DCDC1: variants seen among roughly 807,000 people sequenced by gnomAD.
DCDC1 encodes doublecortin domain containing 1, also known as doublecortin domain-containing protein 1.
A neutral mutation model predicts 178.3 loss-of-function variants in DCDC1; 200 were observed. The observed-to-expected ratio is 1.12, with a 90% CI of 1.00 to 1.26. DCDC1 has a LOEUF of 1.26. Among genes scored for constraint, DCDC1 ranks in the 50% most tolerant of loss-of-function variants. DCDC1 has a pLI of 0.00. For synonymous variants in DCDC1, 690 were observed against 604.8 expected (o/e 1.14, Z -2.07); for missense variants, 1,983 against 1,749.2 (o/e 1.13, Z -2.38).
intron 9 of DCDC1, among the ~76,000 whole-genome samples, chr11:31,224,874 G>T (rs1974724018): frequency 6.6e-6 from 1 of 152,076 alleles, no homozygotes; most frequent in South Asian, 2.1e-4. Context: ...TGTTAGCATG[G>T]ATGTGGCAAA....
rs1565614944 is a variant in DCDC1, at chr11:31,328,243, AG to A, written c.37del (p.Leu13TyrfsTer9). 3.8e-6 allele frequency: 6 copies of A among 1,596,678 alleles called. No homozygotes were observed. The highest frequency in any genetic ancestry group is 5.1e-6 in the Non-Finnish European group (6 of 1,168,604). ...KTGAEDHREALSQSSLSLLTE... is the reference protein window; with the variant it reads ...KTGAEDHREAXSQSSLSLLTE... ...CAAGAGGGATAAGGAAGACTGAGAT[AG>A]TGCTTCTCTGTGATCTTCTGCTCCT... On this transcript the variant is annotated frameshift_variant, in exon 3 of 39. Transcript: ENST00000684477. LOFTEE classifies it high-confidence loss of function.
At chr11:30,965,101 G>T (rs1261582570) in intron 20 of DCDC1, among the ~76,000 whole-genome samples, 1 of 152,196 alleles carries the variant, frequency 6.6e-6, no homozygotes, top group Non-Finnish European at 1.5e-5. Context: ...AAGCAAACCT[G>T]CTGCCATTCT....
chr11:31,270,074 C>G (rs1394422973), intron 7 of DCDC1, among the ~76,000 whole-genome samples: 1 of 152,162 alleles, frequency 6.6e-6, no homozygotes, highest in African/African-American at 2.4e-5. Flanking sequence ...GCATAAGCCC[C>G]AACTTACACT....
chr11:31,168,668 T>C (rs1211241235), intron 9 of DCDC1, among the ~76,000 whole-genome samples: 3 of 152,200 alleles, frequency 2.0e-5, no homozygotes, highest in East Asian at 1.9e-4. Context: ...TTCTTCACTT[T>C]ACCAGCTATG....
intron 22 of DCDC1, among the ~76,000 whole-genome samples, chr11:30,930,057 A>G (rs1267583560): frequency 6.6e-6 from 1 of 152,172 alleles, no homozygotes; most frequent in Non-Finnish European, 1.5e-5. Context: ...TCATACTTCC[A>G]GCATGATTTT....
chr11:31,103,909 T>C (rs568632768), intron 13 of DCDC1, 140 bp from the exon 14 acceptor site: 12 of 558,038 alleles, frequency 2.2e-5, no homozygotes, highest in African/African-American at 1.9e-4. Flanking sequence ...TATAGCACTA[T>C]TGCTGGTATT....
In DCDC1 at chr11:30,940,146, A is replaced by G. The variant is rs536506084; in HGVS notation, c.2716-8194T>C. On this transcript the variant is annotated intron_variant, in intron 21 of 38. Transcript: ENST00000684477. ...CTGGCCCAATTATCCCATAGAACTT[A>G]TGTTAATCATTTGTCTTGAATAAAC... Among the ~76,000 whole-genome samples the G allele has an allele frequency of 2.0e-5, 3 of 152,278 alleles. No homozygotes were observed. In the East Asian group the frequency reaches 5.8e-4, roughly 29 times the overall value.
intron 24 of DCDC1, 103 bp from the exon 25 acceptor site, chr11:30,921,038 T>C (rs557754035): frequency 4.9e-6 from 6 of 1,232,134 alleles, no homozygotes; most frequent in Admixed American, 5.2e-5. Context: ...TAATTCCATC[T>C]ATTTGGTCTA....
At chr11:31,264,941 T>C (rs1033018191) in intron 8 of DCDC1, among the ~76,000 whole-genome samples, 1 of 152,196 alleles carries the variant, frequency 6.6e-6, no homozygotes, top group Non-Finnish European at 1.5e-5. Context: ...ACCTATACCA[T>C]GAAGTTGCTA....
intron 9 of DCDC1, among the ~76,000 whole-genome samples, chr11:31,214,080 A>C (rs986999825): frequency 6.6e-6 from 1 of 151,636 alleles, no homozygotes; most frequent in South Asian, 2.1e-4. Flanking sequence ...TGCTACATTT[A>C]AAAAAGATGG....
chr11:30,888,140 AAGAAAG>A (rs1565030299), intron 36 of DCDC1, among the ~76,000 whole-genome samples: 21 of 145,724 alleles, frequency 1.4e-4, no homozygotes, highest in Admixed American at 1.0e-3. Flanking sequence ...GAAAGAAAGA[AAGAAAG>A]AAAGAAAGAA....
At position 31,213,100 on chromosome 11, in the gene DCDC1, C is replaced by CTCTCTCT. The variant is rs1972851664; in HGVS notation, c.1221+28349_1221+28350insAGAGAGA. Among the ~76,000 whole-genome samples the CTCTCTCT allele has an allele frequency of 1.6e-4, 7 of 44,274 alleles. 1 individual carries two copies. The highest frequency in any genetic ancestry group is 5.1e-4 in the African/African-American group (6 of 11,844). 29.0% of individuals were successfully genotyped at this position (44,274 alleles called of 152,430 possible). A position where few individuals can be genotyped will look rare whatever the true frequency, so the allele number is the denominator to read the frequency against. On this transcript the variant is annotated intron_variant, in intron 9 of 38. Transcript: ENST00000684477. ...GTGTCATCTTCTATATAAAGCCCAG[C>CTCTCTCT]CTCTCTCTCTCTCTCTCTCTCTCTC...
intron 1 of DCDC1, among the ~76,000 whole-genome samples, chr11:31,344,397 C>A (rs1950708875): frequency 6.6e-6 from 1 of 152,174 alleles, no homozygotes; most frequent in Non-Finnish European, 1.5e-5. Flanking sequence ...ACCTAGGGTA[C>A]CATTCCATCC....
intron 14 of DCDC1, among the ~76,000 whole-genome samples, chr11:31,102,557 G>A (rs1206521382): frequency 1.3e-5 from 2 of 152,044 alleles, no homozygotes; most frequent in African/African-American, 2.4e-5. Context: ...TTGGTTCTCT[G>A]TATTTGCCTT....
At chr11:30,907,727 C>T (rs1945163995) in intron 29 of DCDC1, among the ~76,000 whole-genome samples, 1 of 152,146 alleles carries the variant, frequency 6.6e-6, no homozygotes, top group South Asian at 2.1e-4. Context: ...TACTAAAGAA[C>T]CACCAGATGA....
At chr11:31,176,063 C>T (rs1396974389) in intron 9 of DCDC1, among the ~76,000 whole-genome samples, 1 of 152,132 alleles carries the variant, frequency 6.6e-6, no homozygotes, top group East Asian at 1.9e-4. Context: ...AAGAAAACGA[C>T]TTTTACAGAA....
intron 8 of DCDC1, among the ~76,000 whole-genome samples, chr11:31,242,403 A>G (rs2136905246): frequency 6.6e-6 from 1 of 152,092 alleles, no homozygotes; most frequent in South Asian, 2.1e-4. Context: ...CAGCTAGCTA[A>G]CATTTTTCAA....
At chr11:30,895,408 A>G (rs1442154101) in intron 34 of DCDC1, among the ~76,000 whole-genome samples, 2 of 152,214 alleles carry the variant, frequency 1.3e-5, no homozygotes. Flanking sequence ...AAGGCTTCTT[A>G]GAGAGAGTAA....
chr11:31,200,096 T>A (rs1253907317), intron 9 of DCDC1, among the ~76,000 whole-genome samples: 1 of 152,116 alleles, frequency 6.6e-6, no homozygotes, highest in African/African-American at 2.4e-5. Context: ...CTTGCCCTGG[T>A]AATACTTATG....
Sources: allele counts gnomAD v4.1 joint callset (sites outside exome capture counted in the v4.1 genomes callset), GRCh38; gene constraint gnomAD v4.1.1; transcripts MANE v1.5; gene names NCBI Gene and HGNC (gene_info 2026-07-23, HGNC 2026-07-21).